The following COL25A1 variants were observed in gnomAD, a reference collection of about 807,000 sequenced individuals.
The protein encoded by COL25A1 is collagen type XXV alpha 1 chain.
Under a neutral mutation model 128.4 loss-of-function variants are expected in COL25A1, and 103 were observed. The ratio of observed to expected loss-of-function variants is 0.80; its 90% CI spans 0.68 to 0.94. COL25A1 has a LOEUF of 0.94. Ranked by LOEUF, COL25A1 falls within the 40% of genes least tolerant of loss-of-function variation. COL25A1 has a pLI of 0.00. For missense variants in COL25A1, 745 were observed against 840.0 expected, an observed-to-expected ratio of 0.89 and a Z score of 1.40; for synonymous variants, 279 against 277.2, an observed-to-expected ratio of 1.01 and a Z score of -0.06.
At chr4:109,083,986 T>A (rs932928482) in intron 3 of COL25A1, among the ~76,000 whole-genome samples, 2 of 152,194 alleles carry the variant, frequency 1.3e-5, no homozygotes, top group African/African-American at 4.8e-5. Context: ...AAAGACTACA[T>A]GTAGCATTTT....
chr4:108,993,168 C>T (rs969194688), intron 6 of COL25A1, among the ~76,000 whole-genome samples: 1 of 152,160 alleles, frequency 6.6e-6, no homozygotes, highest in African/African-American at 2.4e-5. Context: ...CTTTGAACAA[C>T]ATCATCCCAC....
At chr4:108,992,784 T>C (rs1353451244) in intron 6 of COL25A1, among the ~76,000 whole-genome samples, 3 of 152,176 alleles carry the variant, frequency 2.0e-5, no homozygotes, top group Non-Finnish European at 4.4e-5. Context: ...AATGGCACTA[T>C]TTATGACACA....
intron 3 of COL25A1, among the ~76,000 whole-genome samples, chr4:109,162,937 C>T (rs1424268992): frequency 6.6e-6 from 1 of 152,192 alleles, no homozygotes; most frequent in African/African-American, 2.4e-5. Flanking sequence ...CTCTCTTCCT[C>T]CCCTTGAGGC....
intron 6 of COL25A1, among the ~76,000 whole-genome samples, chr4:108,991,413 A>G (rs1015767458): frequency 6.6e-5 from 10 of 152,192 alleles, no homozygotes; most frequent in African/African-American, 1.9e-4. Flanking sequence ...TGTACTCTTA[A>G]AGACATAAAC....
intron 5 of COL25A1, among the ~76,000 whole-genome samples, chr4:109,026,723 C>T (rs1054715351): frequency 2.6e-5 from 4 of 152,114 alleles, no homozygotes; most frequent in Non-Finnish European, 4.4e-5. Context: ...ATTTTTCTTG[C>T]TTGTTTTTGT....
At chr4:109,064,065 T>C (rs534673827) in intron 3 of COL25A1, among the ~76,000 whole-genome samples, 1 of 152,046 alleles carries the variant, frequency 6.6e-6, no homozygotes, top group Admixed American at 6.6e-5. Flanking sequence ...ATTTAGGAGG[T>C]GAATACAACA....
At chr4:108,963,658 C>G (rs985365850) in intron 8 of COL25A1, among the ~76,000 whole-genome samples, 1 of 151,876 alleles carries the variant, frequency 6.6e-6, no homozygotes, top group Admixed American at 6.6e-5. Flanking sequence ...AAGAATAAAA[C>G]CTTCCGTATA....
At chr4:109,203,497 A>G (rs923805584) in intron 3 of COL25A1, among the ~76,000 whole-genome samples, 3 of 152,124 alleles carry the variant, frequency 2.0e-5, no homozygotes, top group African/African-American at 7.2e-5. Flanking sequence ...GAGAAACAAA[A>G]GGAATTCACA....
intron 16 of COL25A1, 149 bp downstream of exon 16, chr4:108,896,518 T>G (rs1486238922): frequency 3.5e-6 from 2 of 578,014 alleles, no homozygotes; most frequent in Non-Finnish European, 6.2e-6. Flanking sequence ...AAATCAAGTA[T>G]TTAAATGTTT....
At chr4:108,987,616 C>T (rs1472583558) in intron 6 of COL25A1, among the ~76,000 whole-genome samples, 1 of 152,148 alleles carries the variant, frequency 6.6e-6, no homozygotes, top group African/African-American at 2.4e-5. Context: ...CCTCGTGATC[C>T]ACCCGCCTCT....
intron 13 of COL25A1, among the ~76,000 whole-genome samples, chr4:108,911,594 ATGAC>A (rs1182423797): frequency 2.0e-5 from 3 of 152,180 alleles, no homozygotes; most frequent in Non-Finnish European, 2.9e-5. Flanking sequence ...TGTTCAATGA[ATGAC>A]TGAGGAAATT....
Position 108,848,798 on chromosome 4 carries a change from C to T in COL25A1, c.1395G>A (p.Glu465=). 6.2e-7 allele frequency: 1 copy of T among 1,606,590 alleles called. No homozygotes were observed. The highest frequency in any genetic ancestry group is 1.7e-5 in the Admixed American group (1 of 59,990). The part of the protein sequence containing the change: ...GPQGLQGPKG[E]QGSPGIPGMD... ...TTCCTGGGATTCCTGGAGATCCCTG[C>T]TCTCCCTATTAAGATAAAAATAGAT... The change falls in exon 27 of 38, where the codon GAG becomes GAA. Residue 465 remains glutamate, a synonymous_variant. Transcript: ENST00000399132.
chr4:109,186,443 C>CGA (rs1775137753), intron 3 of COL25A1, among the ~76,000 whole-genome samples: 1 of 152,176 alleles, frequency 6.6e-6, no homozygotes, highest in Non-Finnish European at 1.5e-5. Flanking sequence ...AAAGAGATCT[C>CGA]TAGCTTTAAA....
intron 3 of COL25A1, among the ~76,000 whole-genome samples, chr4:109,175,526 A>G (rs1324651367): frequency 6.6e-6 from 1 of 152,316 alleles, no homozygotes; most frequent in East Asian, 1.9e-4. Flanking sequence ...TGTGTTAAAA[A>G]CATGTTACTT....
Position 108,884,230 on chromosome 4 carries a change from G to A in COL25A1, c.976-8C>T, listed in dbSNP as rs1197154068. 5 of 1,612,262 alleles carry A rather than the reference G, an allele frequency of 3.1e-6. No individual in the cohort carries two copies. The highest frequency in any genetic ancestry group is 4.2e-6 in the Non-Finnish European group (5 of 1,178,712). On this transcript the variant is annotated splice_polypyrimidine_tract_variant and splice_region_variant and intron_variant, in intron 18 of 37. Transcript: ENST00000399132. ...AGGAAGCCCTGGTTCACCCTACACAGGAAAATCATATAGCATTATAGAATG... is the reference window on the plus strand; with the variant it reads ...AGGAAGCCCTGGTTCACCCTACACAAGAAAATCATATAGCATTATAGAATG...
intron 11 of COL25A1, 28 bp from the exon 12 acceptor site, chr4:108,920,632 A>T (rs367545352): frequency 3.2e-6 from 5 of 1,584,374 alleles, no homozygotes; most frequent in Non-Finnish European, 4.3e-6. Flanking sequence ...TTCAATTAAC[A>T]TACTATTGTA....
At chr4:109,254,958 T>G (rs1780983307) in intron 3 of COL25A1, among the ~76,000 whole-genome samples, 1 of 152,200 alleles carries the variant, frequency 6.6e-6, no homozygotes, top group East Asian at 1.9e-4. Flanking sequence ...GCTAAGTGCT[T>G]TCGCAGAATT....
intron 24 of COL25A1, among the ~76,000 whole-genome samples, chr4:108,856,887 G>C (rs1344830936): frequency 6.6e-6 from 1 of 152,052 alleles, no homozygotes; most frequent in East Asian, 1.9e-4. Context: ...ATAGTATTAG[G>C]TTTCGTGGAC....
chr4:109,127,553 C>G (rs914573242), intron 3 of COL25A1, among the ~76,000 whole-genome samples: 1 of 151,930 alleles, frequency 6.6e-6, no homozygotes, highest in Non-Finnish European at 1.5e-5. Flanking sequence ...GTCTCAAACT[C>G]CTGGGATCAA....
Sources: gnomAD v4.1 joint callset for allele counts (sites outside exome capture counted in the v4.1 genomes callset) on GRCh38, gnomAD v4.1.1 for gene constraint, MANE v1.5 for transcripts, NCBI Gene and HGNC (gene_info 2026-07-23, HGNC 2026-07-21) for gene names.